Variants in ANKRD30BL observed in about 807,000 individuals in gnomAD.
ANKRD30BL encodes the protein ankyrin repeat domain 30B like.
A neutral mutation model predicts 18.4 loss-of-function variants in ANKRD30BL; 20 were observed. The ratio of observed to expected loss-of-function variants is 1.09; its 90% CI spans 0.77 to 1.58. ANKRD30BL has a LOEUF of 1.58. Among genes scored for constraint, ANKRD30BL ranks in the 40% most tolerant of loss-of-function variants. The probability of loss-of-function intolerance (pLI) is 0.00; values close to 1 mark genes in which losing one functional copy is unlikely to be tolerated. For missense variants in ANKRD30BL, 224 were observed against 268.6 expected, an observed-to-expected ratio of 0.83 and a Z score of 1.16; for synonymous variants, 72 against 100.9, an observed-to-expected ratio of 0.71 and a Z score of 1.72.
intron 1 of ANKRD30BL, among the ~76,000 whole-genome samples, chr2:132,217,079 A>C (rs1447196437): frequency 6.6e-6 from 1 of 151,940 alleles, no homozygotes; most frequent in Non-Finnish European, 1.5e-5. Context: ...CCTATGGTGG[A>C]AAAGGAAATA....
intron 1 of ANKRD30BL, among the ~76,000 whole-genome samples, chr2:132,251,679 C>T (rs976880629): frequency 9.9e-5 from 15 of 152,038 alleles, no homozygotes; most frequent in African/African-American, 3.4e-4. Context: ...TTGTTCTTTC[C>T]CATACTTTCT....
intron 1 of ANKRD30BL, among the ~76,000 whole-genome samples, chr2:132,186,274 T>C (rs570035791): frequency 3.9e-5 from 6 of 152,294 alleles, no homozygotes; most frequent in African/African-American, 1.2e-4. Context: ...AAATAGTACG[T>C]AACTAGAATT....
At chr2:132,174,884 T>A (rs1317431780) in intron 1 of ANKRD30BL, among the ~76,000 whole-genome samples, 1 of 152,234 alleles carries the variant, frequency 6.6e-6, no homozygotes, top group Admixed American at 6.5e-5. Flanking sequence ...AATTAAGGGC[T>A]ACTCCTTTTA....
chr2:132,147,809 G>A lies in ANKRD30BL; in HGVS notation c.*322C>T. On this transcript the variant is annotated 3_prime_UTR_variant, in exon 6 of 6. Coordinates refer to ENST00000409867, the MANE Select transcript of ANKRD30BL (RefSeq NM_001358416.1). ...GGCAGGGGTATGAGCTGGAGTGGCA[G>A]GGTGAGTAGTTTCAGCGGGAAAGAC... is the stretch of plus-strand genomic sequence containing the variant. The A allele has an allele frequency of 3.1e-6, 1 of 326,132 alleles. No individual in the cohort carries two copies. Among genetic ancestry groups the A allele is most frequent in the South Asian group, 3.4e-5 (1 of 29,816 alleles). 20.2% of individuals were successfully genotyped at this position (326,132 alleles called of 1,614,324 possible).
chr2:132,150,453 T>C (rs1026990695), intron 5 of ANKRD30BL, among the ~76,000 whole-genome samples: 18 of 151,338 alleles, frequency 1.2e-4, no homozygotes, highest in Non-Finnish European at 2.2e-4. Context: ...AGCTATTTTA[T>C]AATTTGTAAT....
At position 132,241,771 on chromosome 2, in the gene ANKRD30BL, C is replaced by T. The variant is rs539845174; in HGVS notation, n.441+15758G>A. ...ACAGAGTTGAATTTTTCTTTTGATA[C>T]GCAAGTTTTGAAACACTCTTTTTGT... On this transcript the variant is annotated intron_variant and non_coding_transcript_variant, in intron 1 of 4. Transcript: ENST00000470729. Among the ~76,000 whole-genome samples the T allele has an allele frequency of 4.7e-4, 69 of 146,540 alleles. 1 individual carries two copies. In the Middle Eastern group the frequency reaches 0.014, roughly 29 times the overall value.
chr2:132,218,907 C>T (rs1679588985), intron 1 of ANKRD30BL, among the ~76,000 whole-genome samples: 1 of 152,030 alleles, frequency 6.6e-6, no homozygotes, highest in Non-Finnish European at 1.5e-5. Context: ...TTTAAACACT[C>T]TTTTTGTGGA....
chr2:132,207,996 C>T lies in ANKRD30BL; in HGVS notation n.441+49533G>A, dbSNP rs377408014. Among the ~76,000 whole-genome samples the T allele has an allele frequency of 6.6e-5, 10 of 151,976 alleles. No homozygotes were observed. The East Asian group carries it at 1.4e-3, about 21-fold the overall frequency. On this transcript the variant is annotated intron_variant and non_coding_transcript_variant, in intron 1 of 4. Transcript: ENST00000470729. ...AATTGTTTCTCAAAAAAGGAGGGGG[C>T]GGGTAATTTTTGTACAAAAGGCTTT...
At chr2:132,170,876 G>A (rs1453947500) in intron 1 of ANKRD30BL, among the ~76,000 whole-genome samples, 1 of 152,162 alleles carries the variant, frequency 6.6e-6, no homozygotes, top group Non-Finnish European at 1.5e-5. Context: ...AACACTTGGA[G>A]GCCGAGCCGG....
At chr2:132,245,373 A>C (rs530465874) in intron 1 of ANKRD30BL, among the ~76,000 whole-genome samples, 1 of 149,864 alleles carries the variant, frequency 6.7e-6, no homozygotes, top group East Asian at 2.0e-4. Context: ...GATTGGAAAC[A>C]CTCTTTTTGG....
chr2:132,165,829 C>G (rs1023446954), upstream of ANKRD30BL, among the ~76,000 whole-genome samples: 6 of 149,152 alleles, frequency 4.0e-5, no homozygotes, highest in Admixed American at 1.3e-4. Context: ...ATCTGTCTTC[C>G]AAAGTGGTGG....
chr2:132,241,277 C>T (rs1381933320), intron 1 of ANKRD30BL, among the ~76,000 whole-genome samples: 1 of 151,924 alleles, frequency 6.6e-6, no homozygotes, highest in Non-Finnish European at 1.5e-5. Flanking sequence ...TTTTGAGACA[C>T]TCTTTTTGTA....
At chr2:132,182,437 G>A (rs1306357240) in intron 1 of ANKRD30BL, among the ~76,000 whole-genome samples, 1 of 150,478 alleles carries the variant, frequency 6.6e-6, no homozygotes, top group Non-Finnish European at 1.5e-5. Flanking sequence ...AGCCAAGACT[G>A]CACCACTGAC....
At chr2:132,233,687 A>G (rs571643566) in intron 1 of ANKRD30BL, among the ~76,000 whole-genome samples, 1 of 149,324 alleles carries the variant, frequency 6.7e-6, no homozygotes, top group Admixed American at 6.8e-5. Flanking sequence ...TTCATAAAGC[A>G]AGTCCTGAGT....
chr2:132,245,970 T>C (rs559438101), intron 1 of ANKRD30BL, among the ~76,000 whole-genome samples: 1 of 151,982 alleles, frequency 6.6e-6, no homozygotes, highest in Admixed American at 6.6e-5. Flanking sequence ...ACAGCAAAAC[T>C]AGACAGAAGC....
chr2:132,199,889 T>A (rs1679059602), intron 1 of ANKRD30BL, among the ~76,000 whole-genome samples: 2 of 152,168 alleles, frequency 1.3e-5, no homozygotes, highest in South Asian at 2.1e-4. Flanking sequence ...ATATCCTTGA[T>A]GAACATTGAT....
At chr2:132,167,886 A>G (rs1224310959) in intron 1 of ANKRD30BL, among the ~76,000 whole-genome samples, 1 of 152,198 alleles carries the variant, frequency 6.6e-6, no homozygotes, top group African/African-American at 2.4e-5. Flanking sequence ...ACCTTATGAC[A>G]TTGCTATTGT....
chr2:132,256,669 G>A (rs1410931830), intron 1 of ANKRD30BL, among the ~76,000 whole-genome samples: 1 of 152,188 alleles, frequency 6.6e-6, no homozygotes, highest in Non-Finnish European at 1.5e-5. Context: ...CCTCTTCCCT[G>A]CACACACTGC....
chr2:132,211,875 C>T (rs1459572105), intron 1 of ANKRD30BL, among the ~76,000 whole-genome samples: 14 of 150,374 alleles, frequency 9.3e-5, no homozygotes, highest in East Asian at 2.0e-4. Context: ...ACATTTAGTG[C>T]GCTTTGTGGC....
Sources: allele counts gnomAD v4.1 joint callset (sites outside exome capture counted in the v4.1 genomes callset), GRCh38; gene constraint gnomAD v4.1.1; transcripts MANE v1.5; gene names NCBI Gene and HGNC (gene_info 2026-07-23, HGNC 2026-07-21).